Variants in ADGRG1 observed in about 807,000 individuals in gnomAD.
ADGRG1 encodes 7-transmembrane protein with no EGF-like N-terminal domains-1.
A neutral mutation model predicts 73.5 loss-of-function variants in ADGRG1; 53 were observed. The observed-to-expected ratio is 0.72, with a 90% CI of 0.58 to 0.91. The LOEUF (loss-of-function observed/expected upper bound fraction) is 0.91, where lower values mean the gene tolerates loss of function less well. ADGRG1 is among the 40% of genes least tolerant of loss of function. The probability of loss-of-function intolerance (pLI) is 0.00; values close to 1 mark genes in which losing one functional copy is unlikely to be tolerated. For synonymous variants in ADGRG1, 394 were observed against 374.4 expected (o/e 1.05, Z -0.60); for missense variants, 795 against 871.8 (o/e 0.91, Z 1.11).
intron 1 of ADGRG1, chr16:57,632,442 T>C (rs913478373): frequency 8.7e-6 from 5 of 572,362 alleles, no homozygotes; most frequent in African/African-American, 2.0e-5. Flanking sequence ...AGAGAGTTGA[T>C]AGAGGAAAGC....
chr16:57,638,983 T>A (rs1431701222), intron 1 of ADGRG1, among the ~76,000 whole-genome samples: 1 of 151,162 alleles, frequency 6.6e-6, no homozygotes, highest in Non-Finnish European at 1.5e-5. Flanking sequence ...GGCAGGAGAA[T>A]CGCTTGAAAC....
chr16:57,657,375 C>A lies in ADGRG1; in HGVS notation c.1170C>A (p.Val390=), dbSNP rs1255029602. The change falls in exon 10 of 14, where the codon GTC becomes GTA. Residue 390 remains valine (V), a splice_region_variant and synonymous_variant. Transcript: ENST00000562631. ...NHLTYFAVLM[V]SSVEVDAVHK... ...TCTCTCCTGTCTCCTGGGGCCAGGT[C>A]TCCTCGGTGGAGGTGGACGCCGTGC... The A allele has an allele frequency of 1.2e-6, 2 of 1,614,032 alleles. No homozygotes were observed. Among genetic ancestry groups the A allele is most frequent in the Non-Finnish European group, 1.7e-6 (2 of 1,179,890 alleles).
At chr16:57,636,480 C>A (rs555853440) in intron 1 of ADGRG1, 1 of 985,248 alleles carries the variant, frequency 1.0e-6, no homozygotes, top group Non-Finnish European at 1.2e-6. Flanking sequence ...GCCAAGCAGC[C>A]GGCAGAGGTG....
intron 1 of ADGRG1, chr16:57,630,103 G>C (rs1689285986): frequency 2.6e-6 from 2 of 769,308 alleles, no homozygotes; most frequent in Admixed American, 6.2e-5. Flanking sequence ...GCTCTGTCGG[G>C]AACATGGCCG....
intron 13 of ADGRG1, 199 bp from the exon 14 acceptor site, chr16:57,663,253 G>A: frequency 1.1e-6 from 1 of 900,712 alleles, no homozygotes; most frequent in Non-Finnish European, 1.3e-6. Context: ...GTTTGTGACA[G>A]TGAGAGGCCA....
At chr16:57,628,933 A>AGT (rs1203677741) in intron 1 of ADGRG1, 131 bp downstream of exon 1, 30,245 of 683,390 alleles carry the variant, frequency 0.044, 2,533 homozygotes, top group African/African-American at 0.096. Flanking sequence ...TGTGAGTGTG[A>AGT]GTGTGAGCGT....
chr16:57,654,352 A>G (rs1263972244), intron 5 of ADGRG1, among the ~76,000 whole-genome samples: 1 of 149,764 alleles, frequency 6.7e-6, no homozygotes, highest in Non-Finnish European at 1.5e-5. Flanking sequence ...TTCCTATACC[A>G]GTCTCCTGGG....
chr16:57,650,100 C>T (rs563513846), intron 1 of ADGRG1, 153 bp from the exon 2 acceptor site: 1 of 982,104 alleles, frequency 1.0e-6, no homozygotes, highest in East Asian at 1.1e-4. Flanking sequence ...GGGGAGCGGC[C>T]TCTGGCCGCT....
At chr16:57,646,547 C>T in intron 1 of ADGRG1, 1 of 985,430 alleles carries the variant, frequency 1.0e-6, no homozygotes. Flanking sequence ...GTGGGGGCTT[C>T]CTTGGGCCTC....
chr16:57,631,901 GC>G (rs765495167), intron 1 of ADGRG1: 65,286 of 968,482 alleles, frequency 0.067, 2,351 homozygotes, highest in African/African-American at 0.12. Context: ...GGGTAGAGGG[GC>G]CAAGGGTTGG....
In ADGRG1 at chr16:57,665,438, A is replaced by G. The variant is rs1597744711; in HGVS notation, c.*1856A>G. On this transcript the variant is annotated 3_prime_UTR_variant, in exon 14 of 14. Transcript: ENST00000562631. ...ATCCCCTGATTTTAAAATTTTGGCG[A>G]ATCCAAAACATTTTCTGGCCAAAGA... 6.6e-6 allele frequency: 1 copy of G among 152,344 alleles called. No homozygotes were observed. The highest frequency in any genetic ancestry group is 1.9e-4 in the East Asian group (1 of 5,186). The allele number at this position is 152,344 out of a possible 1,614,324, so 9.4% of individuals were successfully genotyped here.
Position 57,656,236 on chromosome 16 carries a change from C to T in ADGRG1, c.1028C>T (p.Thr343Ile), listed in dbSNP as rs2045699295. The change falls in exon 8 of 14, where the codon ACT becomes ATT. Residue 343 changes from threonine (T) to isoleucine (I), a missense_variant. Coordinates refer to ENST00000562631, the MANE Select transcript of ADGRG1 (RefSeq NM_201525.4). ...TTCTTGTCCCTACAGAAGAATGTGACTCTGCAATGTGTGTTCTGGGTTGAA... is the reference window on the plus strand; with the variant it reads ...TTCTTGTCCCTACAGAAGAATGTGATTCTGCAATGTGTGTTCTGGGTTGAA... Reference protein sequence around the residue: ...FQHQLQPKNVTLQCVFWVEDP... With the variant: ...FQHQLQPKNVILQCVFWVEDP... 1.2e-6 allele frequency: 2 copies of T among 1,613,516 alleles called. No homozygotes were observed. Among genetic ancestry groups the T allele is most frequent in the South Asian group, 1.1e-5 (1 of 91,054 alleles).
intron 1 of ADGRG1, chr16:57,647,593 AACT>A (rs1258563887): frequency 2.7e-6 from 1 of 376,172 alleles, no homozygotes; most frequent in Non-Finnish European, 3.7e-6. Context: ...GAAGGTGAGT[AACT>A]AGCCCAAGGA....
At chr16:57,644,700 A>T in intron 1 of ADGRG1, among the ~76,000 whole-genome samples, 1 of 113,482 alleles carries the variant, frequency 8.8e-6, no homozygotes, top group South Asian at 3.4e-4. Flanking sequence ...ACACACATGC[A>T]CGGGCACACA....
Position 57,663,912 on chromosome 16 carries a change from G to GCCGTTGCC in ADGRG1, c.*330_*331insCCGTTGCC, listed in dbSNP as rs2047857060. 2.3e-6 allele frequency: 1 copy of GCCGTTGCC among 425,970 alleles called. No individual in the cohort carries two copies. The highest frequency in any genetic ancestry group is 4.3e-6 in the Non-Finnish European group (1 of 230,134). The allele number at this position is 425,970 out of a possible 1,614,324, so 26.4% of individuals were successfully genotyped here. A position where few individuals can be genotyped will look rare whatever the true frequency, so the allele number is the denominator to read the frequency against. On this transcript the variant is annotated 3_prime_UTR_variant, in exon 14 of 14. Coordinates refer to ENST00000562631, the MANE Select transcript of ADGRG1 (RefSeq NM_201525.4). The stretch of plus-strand genomic sequence containing the variant: ...CCCTGGGCCCAGCCCTCATTGCTGG[G>GCCGTTGCC]GGCCAGGCCTTGGATCTTGAGGGTC...
At chr16:57,646,824 A>G in intron 1 of ADGRG1, 2 of 823,854 alleles carry the variant, frequency 2.4e-6, no homozygotes, top group Non-Finnish European at 2.9e-6. Context: ...GTTTGGTGTG[A>G]TAACGTGGAT....
intron 5 of ADGRG1, chr16:57,654,971 T>A: frequency 2.7e-6 from 2 of 746,896 alleles, no homozygotes; most frequent in Non-Finnish European, 3.3e-6. Flanking sequence ...CCTCTCGCCC[T>A]GGCCTCTCAA....
chr16:57,635,840 C>CGTGTCCCT (rs1302187438), intron 1 of ADGRG1: 1 of 985,102 alleles, frequency 1.0e-6, no homozygotes. Flanking sequence ...GGGCAAGCTC[C>CGTGTCCCT]GTGTCCCTGT....
At chr16:57,632,370 T>G in intron 1 of ADGRG1, 1 of 950,136 alleles carries the variant, frequency 1.1e-6, no homozygotes, top group Non-Finnish European at 1.3e-6. Flanking sequence ...TGTGCCTCGG[T>G]TTCCTCATCT....
Sources: allele counts gnomAD v4.1 joint callset (sites outside exome capture counted in the v4.1 genomes callset), GRCh38; gene constraint gnomAD v4.1.1; transcripts MANE v1.5; gene names NCBI Gene and HGNC (gene_info 2026-07-23, HGNC 2026-07-21).